FER1L6: variants seen among roughly 807,000 people sequenced by gnomAD.
FER1L6 encodes the protein fer-1-like protein 6.
A neutral mutation model predicts 219.2 loss-of-function variants in FER1L6; 177 were observed. The ratio of observed to expected loss-of-function variants is 0.81; its 90% CI spans 0.71 to 0.91. The LOEUF (loss-of-function observed/expected upper bound fraction) is 0.91, where lower values mean the gene tolerates loss of function less well. Ranked by LOEUF, FER1L6 falls within the 40% of genes least tolerant of loss-of-function variation. FER1L6 has a pLI of 0.00. For missense variants in FER1L6, 2,153 were observed against 2,259.9 expected (o/e 0.95, Z 0.96); for synonymous variants, 768 against 824.3 (o/e 0.93, Z 1.17).
chr8:124,010,496 C>G (rs570196325), intron 13 of FER1L6, 98 bp from the exon 14 acceptor site: 1,300 of 1,438,334 alleles, frequency 9.0e-4, no homozygotes, highest in Non-Finnish European at 1.1e-3. Context: ...TCATGCCTCC[C>G]GAGTCCTGCC....
chr8:123,915,352 T>C (rs1461122341), intron 1 of FER1L6, among the ~76,000 whole-genome samples: 1 of 152,078 alleles, frequency 6.6e-6, no homozygotes, highest in East Asian at 1.9e-4. Context: ...TGGCTTTTCA[T>C]TTGGTTTGGG....
chr8:124,080,450 T>C (rs926658059), intron 32 of FER1L6, among the ~76,000 whole-genome samples: 26 of 152,106 alleles, frequency 1.7e-4, no homozygotes, highest in African/African-American at 6.0e-4. Flanking sequence ...CCCAAGTAGC[T>C]GGGACTACAG....
chr8:123,885,398 G>A (rs1817183511), intron 1 of FER1L6, among the ~76,000 whole-genome samples: 1 of 152,124 alleles, frequency 6.6e-6, no homozygotes. Context: ...CTCTCTCAGT[G>A]AGCTGTTGCT....
chr8:123,868,406 G>A lies in FER1L6; in HGVS notation c.-8+16221G>A, dbSNP rs532180415. On this transcript the variant is annotated intron_variant, in intron 1 of 40. Coordinates refer to ENST00000522917, the MANE Select transcript of FER1L6 (RefSeq NM_001039112.2). ...CATTTCTAGGGCAATGACTCAAAGC[G>A]GGCCTCTTGCTAGATGGAGTCAGTT... is the stretch of plus-strand genomic sequence containing the variant. 1.6e-3 allele frequency among the ~76,000 whole-genome samples: 236 copies of A among 152,222 alleles called. 1 individual carries two copies. Among genetic ancestry groups the A allele is most frequent in the Middle Eastern group, 0.014 (4 of 294 alleles).
chr8:123,903,384 C>T (rs1812893345), intron 1 of FER1L6, among the ~76,000 whole-genome samples: 1 of 152,216 alleles, frequency 6.6e-6, no homozygotes, highest in South Asian at 2.1e-4. Flanking sequence ...CATTCCTACG[C>T]ATGATCGTAA....
At chr8:123,876,486 AT>A (rs141639119) in intron 1 of FER1L6, among the ~76,000 whole-genome samples, 1 of 151,438 alleles carries the variant, frequency 6.6e-6, no homozygotes, top group African/African-American at 2.4e-5. Flanking sequence ...ACTTGGCTAC[AT>A]TTTTTTTGTT....
At chr8:123,995,990 C>T (rs1364194874) in intron 12 of FER1L6, among the ~76,000 whole-genome samples, 1 of 152,018 alleles carries the variant, frequency 6.6e-6, no homozygotes, top group African/African-American at 2.4e-5. Context: ...TTACTGATTT[C>T]TAGTCTTATT....
At chr8:123,903,621 T>TC (rs930390970) in intron 1 of FER1L6, among the ~76,000 whole-genome samples, 3 of 152,218 alleles carry the variant, frequency 2.0e-5, no homozygotes, top group Admixed American at 2.0e-4. Flanking sequence ...AGCTGCACTT[T>TC]TTTTTTTCCT....
intron 39 of FER1L6, among the ~76,000 whole-genome samples, chr8:124,106,944 C>CTTT (rs10561745): frequency 2.7e-4 from 34 of 127,822 alleles, no homozygotes; most frequent in African/African-American, 6.6e-4. Context: ...ATAAGGTTTT[C>CTTT]TTTTTTTTTT....
chr8:124,103,993 G>A (rs919076498), intron 39 of FER1L6, among the ~76,000 whole-genome samples: 1 of 152,150 alleles, frequency 6.6e-6, no homozygotes, highest in African/African-American at 2.4e-5. Context: ...GGATTTTTCC[G>A]GTAGCAGGTC....
At chr8:124,000,175 CCCA>C (rs1817337878) in intron 12 of FER1L6, among the ~76,000 whole-genome samples, 1 of 152,172 alleles carries the variant, frequency 6.6e-6, no homozygotes, top group African/African-American at 2.4e-5. Context: ...AATGCAAAAT[CCCA>C]CAATCACTGC....
chr8:123,901,102 G>A lies in FER1L6; in HGVS notation c.-8+48917G>A, dbSNP rs554118132. Among the ~76,000 whole-genome samples, 13 of 152,276 alleles carry A rather than the reference G, an allele frequency of 8.5e-5. No homozygotes were observed. The South Asian group carries it at 2.7e-3, about 32-fold the overall frequency. Reference sequence around the variant, plus strand: ...GAACCAATTCTTCTTTGAATGTCTGGTATAATTCTGCTGTGAATCCATCTG... The same window carrying A: ...GAACCAATTCTTCTTTGAATGTCTGATATAATTCTGCTGTGAATCCATCTG... On this transcript the variant is annotated intron_variant, in intron 1 of 40. Transcript: ENST00000522917.
At chr8:123,945,706 G>A (rs1226496235) in intron 1 of FER1L6, among the ~76,000 whole-genome samples, 2 of 152,130 alleles carry the variant, frequency 1.3e-5, no homozygotes, top group East Asian at 3.8e-4. Context: ...GCTAATTAAG[G>A]TTTTTATTCT....
At chr8:123,973,087 T>G (rs1815895604) in intron 6 of FER1L6, among the ~76,000 whole-genome samples, 1 of 152,078 alleles carries the variant, frequency 6.6e-6, no homozygotes, top group African/African-American at 2.4e-5. Context: ...ACTTTCAGTT[T>G]GGGGGGACTG....
intron 13 of FER1L6, among the ~76,000 whole-genome samples, chr8:124,006,986 A>G (rs1028068409): frequency 1.3e-5 from 2 of 152,212 alleles, no homozygotes; most frequent in African/African-American, 4.8e-5. Context: ...CAGGATTCTT[A>G]GTGCAATAAT....
chr8:124,020,074 C>T (rs1233583840), intron 16 of FER1L6, among the ~76,000 whole-genome samples: 1 of 152,072 alleles, frequency 6.6e-6, no homozygotes, highest in East Asian at 1.9e-4. Flanking sequence ...GGCAGGTCTT[C>T]CCATGCTGTT....
chr8:123,906,817 A>T (rs566245010), intron 1 of FER1L6, among the ~76,000 whole-genome samples: 2 of 152,158 alleles, frequency 1.3e-5, no homozygotes, highest in Non-Finnish European at 2.9e-5. Context: ...AGAAAAAAAA[A>T]AAAAAAAGAT....
intron 19 of FER1L6, among the ~76,000 whole-genome samples, chr8:124,035,815 A>G (rs1586620118): frequency 6.6e-6 from 1 of 152,336 alleles, no homozygotes; most frequent in African/African-American, 2.4e-5. Context: ...GGCAGATTTT[A>G]CTTTTATGTG....
chr8:124,094,787 C>T, intron 34 of FER1L6, 109 bp from the exon 35 acceptor site: 1 of 1,260,320 alleles, frequency 7.9e-7, no homozygotes, highest in Non-Finnish European at 1.2e-6. Flanking sequence ...GCACCCAGCC[C>T]CTTGGTACAT....
Sources: allele counts gnomAD v4.1 joint callset (sites outside exome capture counted in the v4.1 genomes callset), GRCh38; gene constraint gnomAD v4.1.1; transcripts MANE v1.5; gene names NCBI Gene and HGNC (gene_info 2026-07-23, HGNC 2026-07-21).